The following NLGN1 variants were observed in gnomAD, a reference collection of about 807,000 sequenced individuals.
NLGN1 encodes neuroligin-1.
NLGN1 carries 12 observed loss-of-function variants against 65.5 expected under a neutral mutation model. The observed-to-expected ratio is 0.18, with a 90% confidence interval of 0.12 to 0.30. The LOEUF (loss-of-function observed/expected upper bound fraction) is 0.30. Among genes scored for constraint, NLGN1 ranks in the 10% least tolerant of loss-of-function variants. The pLI is 1.00. For synonymous variants in NLGN1, 350 were observed against 359.5 expected (o/e 0.97, Z 0.30); for missense variants, 750 against 1,007.1 (o/e 0.74, Z 3.46).
intron 2 of NLGN1, among the ~76,000 whole-genome samples, chr3:173,602,766 G>A (rs1057141687): frequency 6.6e-6 from 1 of 152,002 alleles, no homozygotes; most frequent in Admixed American, 6.6e-5. Context: ...AAAGGAACTT[G>A]CAAAGACTCA....
At chr3:174,229,217 C>A in intron 4 of NLGN1, among the ~76,000 whole-genome samples, 1 of 151,722 alleles carries the variant, frequency 6.6e-6, no homozygotes, top group African/African-American at 2.4e-5. Flanking sequence ...TCAAGTATGC[C>A]AAAAGTGAAA....
intron 3 of NLGN1, among the ~76,000 whole-genome samples, chr3:173,659,542 C>T (rs1023243443): frequency 2.6e-5 from 4 of 151,846 alleles, no homozygotes; most frequent in African/African-American, 9.7e-5. Context: ...TCATTTAGCA[C>T]TTAGAAACTT....
intron 3 of NLGN1, among the ~76,000 whole-genome samples, chr3:173,712,821 A>T (rs1455881809): frequency 6.7e-6 from 1 of 150,240 alleles, no homozygotes; most frequent in Non-Finnish European, 1.5e-5. Flanking sequence ...AAGATAAAAA[A>T]ATATACAGTC....
chr3:173,612,589 A>G (rs747329221), intron 3 of NLGN1, among the ~76,000 whole-genome samples: 1 of 151,852 alleles, frequency 6.6e-6, no homozygotes, highest in Non-Finnish European at 1.5e-5. Flanking sequence ...CTACATCCCC[A>G]TGTCTTCATG....
intron 4 of NLGN1, among the ~76,000 whole-genome samples, chr3:173,973,016 C>T (rs1272446656): frequency 6.6e-6 from 1 of 152,046 alleles, no homozygotes; most frequent in Admixed American, 6.6e-5. Flanking sequence ...ACAGCACTGC[C>T]GCTTATTGTC....
intron 1 of NLGN1, among the ~76,000 whole-genome samples, chr3:173,426,391 G>A (rs968334144): frequency 1.8e-4 from 28 of 152,022 alleles, no homozygotes; most frequent in African/African-American, 6.7e-4. Context: ...GATGAAACTA[G>A]GTATCTTTTT....
chr3:174,147,675 C>G (rs1259437607), intron 4 of NLGN1, among the ~76,000 whole-genome samples: 1 of 151,668 alleles, frequency 6.6e-6, no homozygotes, highest in Non-Finnish European at 1.5e-5. Context: ...AATTAAAAAC[C>G]GTGTGGGCCA....
At chr3:174,168,790 A>C (rs929437772) in intron 4 of NLGN1, among the ~76,000 whole-genome samples, 1 of 152,196 alleles carries the variant, frequency 6.6e-6, no homozygotes, top group Admixed American at 6.5e-5. Context: ...CCCTGATGGC[A>C]GGCATAGTAT....
intron 3 of NLGN1, among the ~76,000 whole-genome samples, chr3:173,758,687 GC>G (rs768593274): frequency 1.3e-5 from 2 of 151,652 alleles, no homozygotes; most frequent in Non-Finnish European, 2.9e-5. Flanking sequence ...CGCCAAAAAT[GC>G]CCCCCTCCAT....
intron 2 of NLGN1, among the ~76,000 whole-genome samples, chr3:173,566,001 A>T (rs904084675): frequency 6.6e-6 from 1 of 152,212 alleles, no homozygotes; most frequent in African/African-American, 2.4e-5. Flanking sequence ...TCCTCTTGAA[A>T]CTCAAAGTAA....
At chr3:173,835,843 G>A (rs1482053435) in intron 4 of NLGN1, among the ~76,000 whole-genome samples, 1 of 152,022 alleles carries the variant, frequency 6.6e-6, no homozygotes, top group Non-Finnish European at 1.5e-5. Context: ...AATCAGAATA[G>A]ACATAAATCA....
intron 3 of NLGN1, among the ~76,000 whole-genome samples, chr3:173,763,680 A>C (rs1778341533): frequency 6.6e-6 from 1 of 152,066 alleles, no homozygotes; most frequent in South Asian, 2.1e-4. Context: ...CTCTCCAGCA[A>C]ACTCCTGTTT....
chr3:173,938,479 A>G (rs1323792890), intron 4 of NLGN1, among the ~76,000 whole-genome samples: 2 of 152,190 alleles, frequency 1.3e-5, no homozygotes, highest in Non-Finnish European at 2.9e-5. Context: ...CATAATGACC[A>G]ATAAATGTAT....
intron 2 of NLGN1, among the ~76,000 whole-genome samples, chr3:173,472,864 A>G (rs548114608): frequency 2.0e-5 from 3 of 152,280 alleles, no homozygotes; most frequent in Admixed American, 6.5e-5. Flanking sequence ...GTTTGACCCA[A>G]ATGGCATAAG....
chr3:174,079,727 C>T (rs1741748298), intron 4 of NLGN1, among the ~76,000 whole-genome samples: 1 of 152,122 alleles, frequency 6.6e-6, no homozygotes, highest in Non-Finnish European at 1.5e-5. Flanking sequence ...GAGATTATGT[C>T]CTTTGCAGGA....
At chr3:173,981,165 G>A (rs1293507712) in intron 4 of NLGN1, among the ~76,000 whole-genome samples, 1 of 152,042 alleles carries the variant, frequency 6.6e-6, no homozygotes, top group African/African-American at 2.4e-5. Flanking sequence ...TTCCTCATGT[G>A]GGAATAAGAA....
At chr3:174,150,427 T>C (rs141307610) in intron 4 of NLGN1, among the ~76,000 whole-genome samples, 74 of 152,254 alleles carry the variant, frequency 4.9e-4, no homozygotes, top group Non-Finnish European at 7.4e-4. Flanking sequence ...GGATGTTTAA[T>C]AGCATTACTG....
intron 3 of NLGN1, among the ~76,000 whole-genome samples, chr3:173,630,407 T>G (rs1046080720): frequency 6.6e-6 from 1 of 151,960 alleles, no homozygotes; most frequent in Non-Finnish European, 1.5e-5. Flanking sequence ...CCAAAGGACA[T>G]TTCAACATAA....
chr3:173,932,867 G>A (rs1744359734), intron 4 of NLGN1, among the ~76,000 whole-genome samples: 1 of 152,134 alleles, frequency 6.6e-6, no homozygotes, highest in African/African-American at 2.4e-5. Flanking sequence ...GGCTGCCCCA[G>A]GAGGTGCTGT....
Sources: allele counts gnomAD v4.1 joint callset (sites outside exome capture counted in the v4.1 genomes callset), GRCh38; gene constraint gnomAD v4.1.1; transcripts MANE v1.5; gene names NCBI Gene and HGNC (gene_info 2026-07-23, HGNC 2026-07-21).